Variants in HS3ST5 observed in about 807,000 individuals in gnomAD.
HS3ST5 encodes the protein heparan sulfate glucosamine 3-O-sulfotransferase 5.
HS3ST5 carries 10 observed loss-of-function variants against 25.4 expected under a neutral mutation model. The observed-to-expected ratio is 0.39, with a 90% CI of 0.24 to 0.67. HS3ST5 has a LOEUF of 0.67. Ranked by LOEUF, HS3ST5 falls within the 30% of genes least tolerant of loss-of-function variation. The probability of loss-of-function intolerance (pLI) is 0.44; values close to 1 mark genes in which losing one functional copy is unlikely to be tolerated. For missense variants in HS3ST5, 324 were observed against 420.7 expected (o/e 0.77, Z 2.01); for synonymous variants, 170 against 162.4 (o/e 1.05, Z -0.36).
chr6:114,297,919 T>C (rs1774897682), intron 1 of HS3ST5, among the ~76,000 whole-genome samples: 1 of 152,230 alleles, frequency 6.6e-6, no homozygotes, highest in Admixed American at 6.5e-5. Context: ...TTAATTTTTC[T>C]ATGAATTATT....
intron 1 of HS3ST5, among the ~76,000 whole-genome samples, chr6:114,282,771 T>C (rs1774173893): frequency 6.6e-6 from 1 of 152,046 alleles, no homozygotes; most frequent in Admixed American, 6.6e-5. Context: ...CAAGGACCAC[T>C]TTGGTAAGCT....
intron 2 of HS3ST5, among the ~76,000 whole-genome samples, chr6:114,225,596 T>C (rs1782254069): frequency 6.6e-6 from 1 of 151,924 alleles, no homozygotes; most frequent in Non-Finnish European, 1.5e-5. Flanking sequence ...CACTAAATCC[T>C]TCAAAAATAC....
intron 3 of HS3ST5, among the ~76,000 whole-genome samples, chr6:114,079,389 C>T (rs1052638101): frequency 3.9e-5 from 6 of 152,202 alleles, no homozygotes; most frequent in Non-Finnish European, 5.9e-5. Context: ...AGCATCCTCA[C>T]CAGGAGTAAA....
rs541992893 is a variant in HS3ST5, at chr6:114,159,519, G to C, written c.-33+8832C>G. Among the ~76,000 whole-genome samples, 13 of 152,304 alleles carry C rather than the reference G, an allele frequency of 8.5e-5. No individual in the cohort carries two copies. The South Asian group carries it at 2.7e-3, about 32-fold the overall frequency. ...AAAACAGGAAAATCTAATCTACAGT[G>C]TCATGAGTCAGGAGAATGGTTATTA... On this transcript the variant is annotated intron_variant, in intron 3 of 4. Transcript: ENST00000312719.
At chr6:114,140,512 T>G (rs1777849537) in intron 3 of HS3ST5, among the ~76,000 whole-genome samples, 1 of 152,196 alleles carries the variant, frequency 6.6e-6, no homozygotes, top group Non-Finnish European at 1.5e-5. Context: ...TTCTCTAAGG[T>G]CCACCCCTTC....
At chr6:114,115,375 C>T (rs909383553) in intron 3 of HS3ST5, among the ~76,000 whole-genome samples, 1 of 152,080 alleles carries the variant, frequency 6.6e-6, no homozygotes, top group Non-Finnish European at 1.5e-5. Flanking sequence ...AGTCTCAGAA[C>T]CTTTTGGCTA....
At chr6:114,083,646 T>C (rs1220420549) in intron 3 of HS3ST5, among the ~76,000 whole-genome samples, 1 of 152,244 alleles carries the variant, frequency 6.6e-6, no homozygotes, top group Admixed American at 6.5e-5. Flanking sequence ...TGGTGTTCTA[T>C]AGCTTTTCTT....
chr6:114,073,164 G>GT (rs1196314953), intron 3 of HS3ST5, among the ~76,000 whole-genome samples: 2 of 152,028 alleles, frequency 1.3e-5, no homozygotes, highest in Non-Finnish European at 2.9e-5. Flanking sequence ...AAGACTTATT[G>GT]TAAGACCTAA....
rs1778911069 is a variant in HS3ST5, at chr6:114,160,825, C to G, written c.-33+7526G>C. 2.0e-5 allele frequency among the ~76,000 whole-genome samples: 3 copies of G among 152,230 alleles called. No homozygotes were observed. In the South Asian group the frequency reaches 6.2e-4, roughly 32 times the overall value. ...TAAAATAGTATGTTTGCCATTCACA[C>G]TAATGTTTCAACATTATGGTTCAAT... On this transcript the variant is annotated intron_variant, in intron 3 of 4. Coordinates refer to ENST00000312719, the MANE Select transcript of HS3ST5 (RefSeq NM_153612.4).
At chr6:114,064,955 G>A (rs537673319) in intron 3 of HS3ST5, among the ~76,000 whole-genome samples, 55 of 152,320 alleles carry the variant, frequency 3.6e-4, no homozygotes, top group African/African-American at 1.2e-3. Flanking sequence ...GCAGGCAGGT[G>A]TGGTTGGACA....
chr6:114,086,872 A>T (rs1323806817), intron 3 of HS3ST5, among the ~76,000 whole-genome samples: 2 of 152,202 alleles, frequency 1.3e-5, no homozygotes, highest in Non-Finnish European at 2.9e-5. Flanking sequence ...TGAGTTTGCT[A>T]TTGGCAAGCA....
intron 3 of HS3ST5, among the ~76,000 whole-genome samples, chr6:114,150,519 G>A (rs1345768332): frequency 6.6e-6 from 1 of 152,162 alleles, no homozygotes; most frequent in Non-Finnish European, 1.5e-5. Flanking sequence ...AAGAGAATCT[G>A]GGGAAAGCTG....
At chr6:114,080,698 G>A (rs544900957) in intron 3 of HS3ST5, among the ~76,000 whole-genome samples, 105 of 152,254 alleles carry the variant, frequency 6.9e-4, no homozygotes, top group African/African-American at 2.5e-3. Context: ...ACCAAATACC[G>A]CATGTCTCAC....
chr6:114,097,748 C>G (rs1189959141), intron 3 of HS3ST5, among the ~76,000 whole-genome samples: 2 of 151,614 alleles, frequency 1.3e-5, no homozygotes, highest in African/African-American at 4.8e-5. Flanking sequence ...TTATTCTTTC[C>G]TTTTTTAAAA....
rs115873762 is a variant in HS3ST5 at position 114,254,271 on chromosome 6, G to A, written c.-338-25493C>T. Among the ~76,000 whole-genome samples, 1,002 of 152,298 alleles carry A rather than the reference G, an allele frequency of 6.6e-3. 11 individuals are homozygous for A. The highest frequency in any genetic ancestry group is 0.023 in the African/African-American group (940 of 41,560). On this transcript the variant is annotated intron_variant, in intron 1 of 4. Transcript: ENST00000312719. The stretch of plus-strand genomic sequence containing the variant: ...GACCCTGAACCTCCCAAATGAATGT[G>A]TTTAAATTTCTGGCCATCCTGGCAG...
chr6:114,288,039 A>C (rs1205256934), intron 1 of HS3ST5, among the ~76,000 whole-genome samples: 2 of 152,128 alleles, frequency 1.3e-5, no homozygotes, highest in African/African-American at 2.4e-5. Flanking sequence ...AGTGTAAAGA[A>C]ATGAGTTTTA....
At chr6:114,284,299 C>G (rs1001639409) in intron 1 of HS3ST5, among the ~76,000 whole-genome samples, 1 of 151,954 alleles carries the variant, frequency 6.6e-6, no homozygotes, top group Non-Finnish European at 1.5e-5. Flanking sequence ...GCTTTCATAT[C>G]GAGACATTAT....
chr6:114,277,182 C>T (rs1377836010), intron 1 of HS3ST5, among the ~76,000 whole-genome samples: 2 of 150,982 alleles, frequency 1.3e-5, no homozygotes, highest in Non-Finnish European at 3.0e-5. Flanking sequence ...GAATCACTTC[C>T]TCCTCTATAA....
intron 3 of HS3ST5, among the ~76,000 whole-genome samples, chr6:114,070,451 C>T (rs1773748200): frequency 6.6e-6 from 1 of 151,922 alleles, no homozygotes; most frequent in African/African-American, 2.4e-5. Flanking sequence ...TTCATATTCA[C>T]CAAGCCACTT....
Sources: allele counts gnomAD v4.1 joint callset (sites outside exome capture counted in the v4.1 genomes callset), GRCh38; gene constraint gnomAD v4.1.1; transcripts MANE v1.5; gene names NCBI Gene and HGNC (gene_info 2026-07-23, HGNC 2026-07-21).